KCNMA1: variants seen among roughly 807,000 people sequenced by gnomAD.
KCNMA1 encodes the protein Calcium-activated potassium channel subunit alpha-1.
In KCNMA1, 29 loss-of-function variants were observed where a neutral mutation model predicts 140.0. That is an observed-to-expected ratio of 0.21 (90% CI 0.15 to 0.28). The LOEUF is 0.28. Ranked by LOEUF, KCNMA1 falls within the 10% of genes least tolerant of loss-of-function variation. The pLI is 1.00. For synonymous variants in KCNMA1, 612 were observed against 611.9 expected, an observed-to-expected ratio of 1.00 and a Z score of 0.00; for missense variants, 880 against 1,602.2, an observed-to-expected ratio of 0.55 and a Z score of 7.70.
chr10:77,616,773 T>C (rs2089677173), intron 1 of KCNMA1, among the ~76,000 whole-genome samples: 6 of 150,480 alleles, frequency 4.0e-5, no homozygotes, highest in Admixed American at 3.3e-4. Flanking sequence ...ACCACTGCAC[T>C]CCAGTCTGGG....
At chr10:77,556,842 G>A (rs2064684903) in intron 1 of KCNMA1, among the ~76,000 whole-genome samples, 1 of 152,136 alleles carries the variant, frequency 6.6e-6, no homozygotes, top group Non-Finnish European at 1.5e-5. Flanking sequence ...TAATCCTTGG[G>A]GCATTTCCTC....
intron 19 of KCNMA1, among the ~76,000 whole-genome samples, chr10:76,972,003 A>G (rs1187871064): frequency 2.0e-5 from 3 of 148,430 alleles, no homozygotes; most frequent in Non-Finnish European, 4.4e-5. Context: ...GTGTGTAGGT[A>G]TGCTTTCGCA....
At chr10:76,976,167 T>C (rs1488834476) in intron 19 of KCNMA1, among the ~76,000 whole-genome samples, 8 of 152,224 alleles carry the variant, frequency 5.3e-5, no homozygotes, top group Non-Finnish European at 1.2e-4. Flanking sequence ...AAGTGACCTG[T>C]ACTGCCCTAG....
chr10:77,090,650 C>T, intron 9 of KCNMA1, 140 bp from the exon 10 acceptor site: 1 of 686,896 alleles, frequency 1.5e-6, no homozygotes, highest in Non-Finnish European at 2.6e-6. Context: ...AGCCCAGCTC[C>T]CATCCCCAGA....
chr10:77,332,483 T>G (rs941980812), intron 2 of KCNMA1, among the ~76,000 whole-genome samples: 3 of 152,188 alleles, frequency 2.0e-5, no homozygotes, highest in African/African-American at 7.2e-5. Flanking sequence ...GGATCATTGA[T>G]GATCTGTTGT....
chr10:77,190,350 AT>A (rs1276468551), intron 3 of KCNMA1, among the ~76,000 whole-genome samples: 9 of 152,206 alleles, frequency 5.9e-5, no homozygotes, highest in African/African-American at 2.2e-4. Flanking sequence ...TAAAGTAGAT[AT>A]TGTACTATAA....
chr10:77,291,314 A>G (rs1299010886), intron 2 of KCNMA1, among the ~76,000 whole-genome samples: 1 of 152,170 alleles, frequency 6.6e-6, no homozygotes. Flanking sequence ...GTACCAGTCA[A>G]CTCTAACACT....
At position 77,467,481 on chromosome 10, in the gene KCNMA1, G is replaced by T. The variant is rs142709549; in HGVS notation, c.379-63458C>A. Among the ~76,000 whole-genome samples the T allele has an allele frequency of 4.1e-3, 617 of 152,292 alleles. 2 individuals are homozygous for T. The highest frequency in any genetic ancestry group is 6.5e-3 in the Admixed American group (100 of 15,290). On this transcript the variant is annotated intron_variant, in intron 1 of 27. Coordinates refer to ENST00000286628, the MANE Select transcript of KCNMA1 (RefSeq NM_001161352.2). ...ATGATCCAACAGGGTTCCAGACATG[G>T]CAATTTAGTTGGACTTCATCCTCAG...
At position 77,021,471 on chromosome 10, in the gene KCNMA1, A is replaced by C. The variant is rs146611931; in HGVS notation, c.1929-2372T>G. Among the ~76,000 whole-genome samples, 467 of 152,308 alleles carry C rather than the reference A, an allele frequency of 3.1e-3. 4 individuals carry two copies. The highest frequency in any genetic ancestry group is 0.011 in the African/African-American group (443 of 41,572). On this transcript the variant is annotated intron_variant, in intron 16 of 27. Coordinates refer to ENST00000286628, the MANE Select transcript of KCNMA1 (RefSeq NM_001161352.2). ...AATCCTCACAGCACCATCACCCTCCACTTTGTCCCTGCTGCTAATAAATGA... is the reference window on the plus strand; with the variant it reads ...AATCCTCACAGCACCATCACCCTCCCCTTTGTCCCTGCTGCTAATAAATGA...
intron 1 of KCNMA1, among the ~76,000 whole-genome samples, chr10:77,453,396 T>C (rs1014006629): frequency 2.0e-5 from 3 of 149,272 alleles, no homozygotes; most frequent in Admixed American, 2.0e-4. Context: ...TAAATAATCT[T>C]ATCTCACCAT....
intron 9 of KCNMA1, among the ~76,000 whole-genome samples, chr10:77,103,519 C>T (rs2097141914): frequency 6.6e-6 from 1 of 152,188 alleles, no homozygotes; most frequent in African/African-American, 2.4e-5. Flanking sequence ...GTATAGAAGG[C>T]TCTGCAGGTG....
At chr10:77,481,115 C>A (rs1383242793) in intron 1 of KCNMA1, among the ~76,000 whole-genome samples, 1 of 136,498 alleles carries the variant, frequency 7.3e-6, no homozygotes, top group African/African-American at 2.8e-5. Flanking sequence ...GAGACTCCAT[C>A]TCAAAAAAAA....
chr10:76,929,760 A>G (rs2058784336), intron 23 of KCNMA1, among the ~76,000 whole-genome samples: 1 of 152,186 alleles, frequency 6.6e-6, no homozygotes, highest in African/African-American at 2.4e-5. Flanking sequence ...AAGAATGTTA[A>G]AAGTTCCCCA....
Position 77,254,754 on chromosome 10 carries a change from C to T in KCNMA1, c.541-3498G>A, listed in dbSNP as rs565196900. 1.1e-4 allele frequency among the ~76,000 whole-genome samples: 16 copies of T among 152,194 alleles called. No individual in the cohort carries two copies. In the East Asian group the frequency reaches 2.9e-3, roughly 28 times the overall value. On this transcript the variant is annotated intron_variant, in intron 2 of 27. Coordinates refer to ENST00000286628, the MANE Select transcript of KCNMA1 (RefSeq NM_001161352.2). ...GTACCACTACTCTAATATCTCTTCA[C>T]GAAGGGCTGAGGCCATTGGGAATCC...
chr10:77,325,651 T>C (rs771968210), intron 2 of KCNMA1, among the ~76,000 whole-genome samples: 12 of 152,190 alleles, frequency 7.9e-5, no homozygotes, highest in Non-Finnish European at 1.8e-4. Context: ...ACCAAGTCCC[T>C]ATCCATTCTA....
At chr10:77,078,381 G>C (rs1251620967) in intron 13 of KCNMA1, among the ~76,000 whole-genome samples, 1 of 152,214 alleles carries the variant, frequency 6.6e-6, no homozygotes, top group Non-Finnish European at 1.5e-5. Flanking sequence ...GAGAGAAGGA[G>C]CACTGCCTTT....
intron 3 of KCNMA1, among the ~76,000 whole-genome samples, chr10:77,217,799 T>TCA (rs2048294364): frequency 6.6e-6 from 1 of 152,186 alleles, no homozygotes; most frequent in Non-Finnish European, 1.5e-5. Flanking sequence ...GTGCTGAGAA[T>TCA]AGTTGATTCT....
rs140468124 is a variant in KCNMA1 at position 77,445,955 on chromosome 10, T to C, written c.379-41932A>G. 8.1e-4 allele frequency among the ~76,000 whole-genome samples: 124 copies of C among 152,228 alleles called. 3 individuals carry two copies. The East Asian group carries it at 0.023, about 28-fold the overall frequency. On this transcript the variant is annotated intron_variant, in intron 1 of 27. Transcript: ENST00000286628. ...ATGGCCCTTTTCGGCCAAAAGGCAG[T>C]GTGGGCTGGAGAGAGAGATAAACAC...
intron 1 of KCNMA1, among the ~76,000 whole-genome samples, chr10:77,615,439 G>A (rs748622572): frequency 8.5e-5 from 13 of 152,170 alleles, no homozygotes; most frequent in Non-Finnish European, 1.8e-4. Flanking sequence ...GCTGCAGAAG[G>A]TGGGTGGTGT....
Sources: allele counts gnomAD v4.1 joint callset (sites outside exome capture counted in the v4.1 genomes callset), GRCh38; gene constraint gnomAD v4.1.1; transcripts MANE v1.5; gene names NCBI Gene and HGNC (gene_info 2026-07-23, HGNC 2026-07-21).